Variants in CACNA2D1 observed in about 807,000 individuals in gnomAD.
CACNA2D1 encodes voltage-dependent calcium channel subunit alpha-2/delta-1.
In CACNA2D1, 53 loss-of-function variants were observed where a neutral mutation model predicts 171.5. The observed-to-expected ratio is 0.31, with a 90% CI of 0.25 to 0.39. CACNA2D1 has a LOEUF of 0.39. CACNA2D1 is among the 10% of genes least tolerant of loss of function. CACNA2D1 has a pLI of 1.00. For missense variants in CACNA2D1, 903 were observed against 1,299.8 expected (o/e 0.69, Z 4.69); for synonymous variants, 442 against 443.1 (o/e 1.00, Z 0.03).
chr7:82,426,692 G>C (rs138867976), intron 1 of CACNA2D1, among the ~76,000 whole-genome samples: 2 of 152,228 alleles, frequency 1.3e-5, no homozygotes, highest in South Asian at 2.1e-4. Flanking sequence ...AGAACACCTA[G>C]GGCCTCTTTC....
chr7:82,218,470 T>C (rs1039234175), intron 3 of CACNA2D1, among the ~76,000 whole-genome samples: 59 of 152,224 alleles, frequency 3.9e-4, no homozygotes, highest in African/African-American at 1.4e-3. Context: ...TTGCAGACTT[T>C]ATTCCAGATT....
chr7:81,977,393 A>T (rs1795961793), intron 24 of CACNA2D1, among the ~76,000 whole-genome samples: 1 of 152,168 alleles, frequency 6.6e-6, no homozygotes, highest in Non-Finnish European at 1.5e-5. Context: ...GTACAAAAAC[A>T]TATAAACCAC....
At chr7:82,303,195 C>T (rs1813262413) in intron 3 of CACNA2D1, among the ~76,000 whole-genome samples, 2 of 151,998 alleles carry the variant, frequency 1.3e-5, no homozygotes, top group Non-Finnish European at 1.5e-5. Context: ...GACGGGATTT[C>T]ACTATGTTAG....
At chr7:82,377,995 T>C (rs775148535) in intron 1 of CACNA2D1, among the ~76,000 whole-genome samples, 2 of 152,202 alleles carry the variant, frequency 1.3e-5, no homozygotes, top group Non-Finnish European at 2.9e-5. Context: ...GGCAGGATGC[T>C]TTGTCTCCTT....
chr7:82,399,995 T>C (rs898775392), intron 1 of CACNA2D1, among the ~76,000 whole-genome samples: 5 of 152,196 alleles, frequency 3.3e-5, no homozygotes, highest in Admixed American at 3.3e-4. Context: ...AATAAAAAGA[T>C]AAGATCAGAT....
intron 4 of CACNA2D1, among the ~76,000 whole-genome samples, chr7:82,149,046 A>C (rs1793480409): frequency 6.6e-6 from 1 of 152,170 alleles, no homozygotes; most frequent in Non-Finnish European, 1.5e-5. Flanking sequence ...TGAAATGGGC[A>C]AGTATCTGGG....
At chr7:82,310,590 C>T (rs554340023) in intron 3 of CACNA2D1, among the ~76,000 whole-genome samples, 36 of 151,682 alleles carry the variant, frequency 2.4e-4, no homozygotes, top group Admixed American at 3.9e-4. Flanking sequence ...ATAAGATTTT[C>T]ATATACTATT....
At chr7:81,950,656 A>T (rs1238035597) in intron 38 of CACNA2D1, 148 bp from the exon 39 acceptor site, 1 of 1,187,262 alleles carries the variant, frequency 8.4e-7, no homozygotes, top group Non-Finnish European at 1.1e-6. Context: ...ATCCAAAGAA[A>T]TTACTTTCTC....
intron 3 of CACNA2D1, among the ~76,000 whole-genome samples, chr7:82,272,565 C>T (rs369296923): frequency 3.3e-5 from 5 of 152,094 alleles, no homozygotes; most frequent in Non-Finnish European, 7.3e-5. Flanking sequence ...AAGTTAGCTA[C>T]CATGGTTAGG....
intron 6 of CACNA2D1, among the ~76,000 whole-genome samples, chr7:82,103,930 TAC>T (rs1813002206): frequency 6.6e-6 from 1 of 152,038 alleles, no homozygotes. Context: ...TATACTTTAT[TAC>T]ACACAGAGGG....
intron 3 of CACNA2D1, among the ~76,000 whole-genome samples, chr7:82,200,448 G>A (rs1799293671): frequency 6.6e-6 from 1 of 151,768 alleles, no homozygotes; most frequent in South Asian, 2.1e-4. Context: ...ACTTAAAAAG[G>A]ATATTTCTAT....
intron 3 of CACNA2D1, among the ~76,000 whole-genome samples, chr7:82,288,123 A>G (rs1030433731): frequency 2.7e-4 from 41 of 151,848 alleles, no homozygotes; most frequent in Non-Finnish European, 5.0e-4. Context: ...TACAGGCGTG[A>G]GCCACCGCGC....
At chr7:82,377,028 T>C (rs764854073) in intron 1 of CACNA2D1, among the ~76,000 whole-genome samples, 2 of 152,192 alleles carry the variant, frequency 1.3e-5, no homozygotes, top group Non-Finnish European at 2.9e-5. Context: ...CAAGGATTAT[T>C]GATAGAAGCT....
chr7:82,157,921 A>C (rs965146484), intron 4 of CACNA2D1, among the ~76,000 whole-genome samples: 2 of 151,990 alleles, frequency 1.3e-5, no homozygotes, highest in African/African-American at 4.8e-5. Context: ...ACATTTATAG[A>C]AACACTAAGA....
chr7:82,114,118 T>C (rs976093751), intron 6 of CACNA2D1, among the ~76,000 whole-genome samples: 5 of 151,936 alleles, frequency 3.3e-5, no homozygotes, highest in African/African-American at 7.3e-5. Context: ...AAGAAAAACA[T>C]TGTTTACACA....
chr7:82,441,466 G>T (rs1830497678), intron 1 of CACNA2D1, among the ~76,000 whole-genome samples: 1 of 151,990 alleles, frequency 6.6e-6, no homozygotes, highest in Non-Finnish European at 1.5e-5. Flanking sequence ...CCAAAGAAAA[G>T]AAATTGTGAT....
chr7:81,968,800 T>C, intron 29 of CACNA2D1, 87 bp downstream of exon 29: 1 of 803,482 alleles, frequency 1.2e-6, no homozygotes, highest in Non-Finnish European at 2.2e-6. Flanking sequence ...TTTGATGACC[T>C]TCTTGATAAA....
intron 3 of CACNA2D1, among the ~76,000 whole-genome samples, chr7:82,265,277 A>G (rs1330524160): frequency 6.6e-6 from 1 of 152,186 alleles, no homozygotes; most frequent in Non-Finnish European, 1.5e-5. Flanking sequence ...TATTTCTCAG[A>G]TTGAAATGCT....
intron 1 of CACNA2D1, among the ~76,000 whole-genome samples, chr7:82,362,478 C>T (rs10270643): frequency 0.73 from 111,056 of 152,058 alleles, 40,884 homozygotes; most frequent in African/African-American, 0.83. Context: ...CCTTTATCAC[C>T]ATTCAGGAAA....
Sources: gnomAD v4.1 joint callset for allele counts (sites outside exome capture counted in the v4.1 genomes callset) on GRCh38, gnomAD v4.1.1 for gene constraint, MANE v1.5 for transcripts, NCBI Gene and HGNC (gene_info 2026-07-23, HGNC 2026-07-21) for gene names.